The following TCF7L2 variants were observed in gnomAD, a reference collection of about 807,000 sequenced individuals.
TCF7L2 encodes transcription factor 7-like 2.
Under a neutral mutation model 77.9 loss-of-function variants are expected in TCF7L2, and 23 were observed. The ratio of observed to expected loss-of-function variants is 0.30; its 90% CI spans 0.21 to 0.42. The LOEUF (loss-of-function observed/expected upper bound fraction) is 0.42. Ranked by LOEUF, TCF7L2 falls within the 10% of genes least tolerant of loss-of-function variation. The pLI is 1.00. For synonymous variants in TCF7L2, 413 were observed against 340.2 expected, an observed-to-expected ratio of 1.21 and a Z score of -2.36; for missense variants, 654 against 793.1, an observed-to-expected ratio of 0.82 and a Z score of 2.11.
intron 5 of TCF7L2, among the ~76,000 whole-genome samples, chr10:113,138,447 C>G (rs559508862): frequency 6.6e-6 from 1 of 152,194 alleles, no homozygotes; most frequent in Admixed American, 6.6e-5. Flanking sequence ...TCAGTTAACT[C>G]CATTATTGCC....
chr10:113,154,100 C>G (rs74157225), intron 11 of TCF7L2, among the ~76,000 whole-genome samples: 6,753 of 152,258 alleles, frequency 0.044, 498 homozygotes, highest in African/African-American at 0.15. Context: ...CACGGGGTCT[C>G]CACTGCTTGG....
intron 3 of TCF7L2, among the ~76,000 whole-genome samples, chr10:112,955,376 G>A (rs1015079311): frequency 6.6e-6 from 1 of 152,102 alleles, no homozygotes; most frequent in African/African-American, 2.4e-5. Flanking sequence ...TTTATAGGTT[G>A]GGGTTTAATG....
chr10:112,996,511 T>G (rs938774165), intron 4 of TCF7L2, among the ~76,000 whole-genome samples: 1 of 152,184 alleles, frequency 6.6e-6, no homozygotes, highest in Non-Finnish European at 1.5e-5. Flanking sequence ...AGGGCCCCCC[T>G]CACCTTGGCC....
In TCF7L2 at chr10:113,143,892, T is replaced by G. The variant is rs1195465270; in HGVS notation, c.686-31T>G. On this transcript the variant is annotated intron_variant, in intron 6 of 13. Coordinates refer to ENST00000627217, the MANE Select transcript of TCF7L2 (RefSeq NM_001146274.2). ...GATTGCTCTTTCCTTCTCTCCCTCC[T>G]TTGTACCTAAAATGCTGCTTCTTCC... 4 of 1,579,838 alleles carry G rather than the reference T, an allele frequency of 2.5e-6. No individual in the cohort carries two copies. The Admixed American group carries it at 6.7e-5, about 26-fold the overall frequency.
intron 13 of TCF7L2, among the ~76,000 whole-genome samples, chr10:113,164,769 T>C (rs1352184483): frequency 6.6e-6 from 1 of 151,778 alleles, no homozygotes; most frequent in Non-Finnish European, 1.5e-5. Flanking sequence ...TTTTGTTTCG[T>C]TTTTTGTTTT....
intron 5 of TCF7L2, among the ~76,000 whole-genome samples, chr10:113,064,871 G>A (rs2057030729): frequency 6.6e-6 from 1 of 152,214 alleles, no homozygotes; most frequent in South Asian, 2.1e-4. Context: ...TTCAGCTGAA[G>A]CACAAGTGTC....
intron 5 of TCF7L2, among the ~76,000 whole-genome samples, chr10:113,049,309 CCTGTTA>C (rs1272820567): frequency 6.6e-6 from 1 of 152,060 alleles, no homozygotes; most frequent in Admixed American, 6.6e-5. Context: ...CAGCTCCAAA[CCTGTTA>C]CTGCTTGTGT....
chr10:112,987,656 A>T (rs1168729974), intron 4 of TCF7L2: 1 of 152,076 alleles, frequency 6.6e-6, no homozygotes, highest in East Asian at 1.9e-4. Flanking sequence ...AGCAGGGAAG[A>T]TTGTGATGAA....
chr10:113,005,196 A>G (rs1331778400), intron 4 of TCF7L2, among the ~76,000 whole-genome samples: 1 of 152,192 alleles, frequency 6.6e-6, no homozygotes. Context: ...TAGGTGGTCT[A>G]CCACGCCGCC....
At chr10:113,140,546 A>G (rs966100294) in intron 5 of TCF7L2, among the ~76,000 whole-genome samples, 3 of 152,202 alleles carry the variant, frequency 2.0e-5, no homozygotes, top group Non-Finnish European at 2.9e-5. Flanking sequence ...TCTGCATAAA[A>G]TATGCAGGTG....
chr10:113,039,561 G>A (rs1325174752), intron 4 of TCF7L2, among the ~76,000 whole-genome samples: 7 of 152,182 alleles, frequency 4.6e-5, no homozygotes, highest in Non-Finnish European at 8.8e-5. Context: ...CCTTTAAAGT[G>A]AAGGATGATG....
At chr10:113,038,227 A>T (rs1210447390) in intron 4 of TCF7L2, among the ~76,000 whole-genome samples, 1 of 152,156 alleles carries the variant, frequency 6.6e-6, no homozygotes, top group Non-Finnish European at 1.5e-5. Context: ...CCTGTCGCAG[A>T]TAGGACAACT....
chr10:113,155,811 G>A (rs189348087), intron 11 of TCF7L2, among the ~76,000 whole-genome samples: 12 of 152,330 alleles, frequency 7.9e-5, no homozygotes, highest in African/African-American at 2.6e-4. Flanking sequence ...TGCCCCTCAC[G>A]TGGGAGAGGC....
At chr10:113,073,090 G>A (rs138199790) in intron 5 of TCF7L2, among the ~76,000 whole-genome samples, 1 of 148,620 alleles carries the variant, frequency 6.7e-6, no homozygotes, top group Non-Finnish European at 1.5e-5. Context: ...ACCTAGGGCA[G>A]GGCCAGGTCG....
intron 5 of TCF7L2, among the ~76,000 whole-genome samples, chr10:113,065,442 C>T (rs906350045): frequency 6.6e-6 from 1 of 152,180 alleles, no homozygotes; most frequent in African/African-American, 2.4e-5. Flanking sequence ...TATTTTTGTT[C>T]AGTATATTGG....
intron 4 of TCF7L2, among the ~76,000 whole-genome samples, chr10:112,970,109 C>G (rs2037905646): frequency 6.6e-6 from 1 of 152,026 alleles, no homozygotes. Context: ...CCACATGCAG[C>G]AAAAACAAAC....
chr10:113,120,845 A>C (rs2064658019), intron 5 of TCF7L2, among the ~76,000 whole-genome samples: 1 of 152,228 alleles, frequency 6.6e-6, no homozygotes, highest in Non-Finnish European at 1.5e-5. Context: ...GCAGTTACAC[A>C]TGCATTAAAT....
rs967793201 is a variant in TCF7L2, at chr10:112,983,454, G to A, written c.450+18830G>A. Among the ~76,000 whole-genome samples, 5 of 152,064 alleles carry A rather than the reference G, an allele frequency of 3.3e-5. No homozygotes were observed. In the East Asian group the frequency reaches 7.7e-4, roughly 24 times the overall value. On this transcript the variant is annotated intron_variant, in intron 4 of 13. Transcript: ENST00000627217. ...CGCGCCACTGCACTCCAGCCTGGGC[G>A]ACAGAGCGAGACTCTGTCTCAAATA...
In TCF7L2 at chr10:113,044,707, G is replaced by T. The variant is rs963587063; in HGVS notation, c.552+4581G>T. ...AATGAGATCTGAAGGCTTGATTGGG[G>T]TTGGCCCAATGAAGGGATAGGAGAA... On this transcript the variant is annotated intron_variant, in intron 5 of 13. Transcript: ENST00000627217. Among the ~76,000 whole-genome samples, 6 of 152,198 alleles carry T rather than the reference G, an allele frequency of 3.9e-5. No homozygotes were observed. The South Asian group carries it at 1.2e-3, about 32-fold the overall frequency.
Sources: allele counts gnomAD v4.1 joint callset (sites outside exome capture counted in the v4.1 genomes callset), GRCh38; gene constraint gnomAD v4.1.1; transcripts MANE v1.5; gene names NCBI Gene and HGNC (gene_info 2026-07-23, HGNC 2026-07-21).